BMPER: variants seen among roughly 807,000 people sequenced by gnomAD.
BMPER encodes the protein BMP binding endothelial regulator.
Under a neutral mutation model 87.3 loss-of-function variants are expected in BMPER, and 45 were observed. That is an observed-to-expected ratio of 0.52 (90% CI 0.41 to 0.66). BMPER has a LOEUF of 0.66. Among genes scored for constraint, BMPER ranks in the 30% least tolerant of loss-of-function variants. BMPER has a pLI of 0.00. For synonymous variants in BMPER, 326 were observed against 316.2 expected, an observed-to-expected ratio of 1.03 and a Z score of -0.33; for missense variants, 784 against 867.5, an observed-to-expected ratio of 0.90 and a Z score of 1.21.
intron 6 of BMPER, among the ~76,000 whole-genome samples, chr7:33,979,824 C>T (rs1373996710): frequency 6.6e-6 from 1 of 152,176 alleles, no homozygotes; most frequent in Non-Finnish European, 1.5e-5. Flanking sequence ...GAGGTCCAAC[C>T]CACTTAGTTA....
rs376953621 is a variant in BMPER at position 33,937,513 on chromosome 7, G to GGTGT, written c.319+146_319+149dup. 5.7e-3 allele frequency: 4,182 copies of GGTGT among 734,298 alleles called. 93 individuals are homozygous for GGTGT. In the African/African-American group the frequency reaches 0.061, roughly 11 times the overall value. The allele number at this position is 734,298 out of a possible 1,614,324, so 45.5% of individuals were successfully genotyped here. A position where few individuals can be genotyped will look rare whatever the true frequency, so the allele number is the denominator to read the frequency against. ...GCACATGGGTGGGGAGGAGAAGTAGGGTGTGTGTGTGTGTGTGTGTGTGTA... is the reference window on the plus strand; with the variant it reads ...GCACATGGGTGGGGAGGAGAAGTAGGGTGTGTGTGTGTGTGTGTGTGTGTGTGTA... On this transcript the variant is annotated intron_variant, in intron 3 of 14. Coordinates refer to ENST00000649409, the MANE Select transcript of BMPER (RefSeq NM_001365308.1).
intron 14 of BMPER, among the ~76,000 whole-genome samples, chr7:34,149,947 A>G (rs2127996545): frequency 6.6e-6 from 1 of 152,278 alleles, no homozygotes; most frequent in East Asian, 1.9e-4. Flanking sequence ...TTTAGGGAAT[A>G]TTTGTTGTTA....
intron 13 of BMPER, among the ~76,000 whole-genome samples, chr7:34,091,083 G>T (rs910012571): frequency 7.2e-5 from 11 of 152,156 alleles, no homozygotes; most frequent in Non-Finnish European, 1.3e-4. Flanking sequence ...ACTCTGACAG[G>T]ACCTTCGTGT....
chr7:33,998,462 A>G (rs1003009855), intron 6 of BMPER, among the ~76,000 whole-genome samples: 2 of 152,170 alleles, frequency 1.3e-5, no homozygotes, highest in African/African-American at 2.4e-5. Flanking sequence ...GCAGACTCTA[A>G]TTTGTGAGTT....
At chr7:34,069,444 A>G (rs1478601325) in intron 11 of BMPER, among the ~76,000 whole-genome samples, 2 of 152,236 alleles carry the variant, frequency 1.3e-5, no homozygotes, top group Admixed American at 6.5e-5. Context: ...ACATTAGTCC[A>G]TATCAGTCAG....
chr7:34,052,707 C>T (rs1002490705), intron 8 of BMPER, among the ~76,000 whole-genome samples: 24 of 152,160 alleles, frequency 1.6e-4, no homozygotes, highest in African/African-American at 2.2e-4. Flanking sequence ...AGTTAAAGGT[C>T]GGGAGAGGGA....
At chr7:33,965,921 A>G (rs1785395417) in intron 3 of BMPER, among the ~76,000 whole-genome samples, 1 of 152,266 alleles carries the variant, frequency 6.6e-6, no homozygotes, top group Non-Finnish European at 1.5e-5. Context: ...CCTAAAAGTA[A>G]TATAAAAAGT....
chr7:34,058,332 T>C (rs1399925730), intron 10 of BMPER, among the ~76,000 whole-genome samples, 169 bp downstream of exon 10: 1 of 152,254 alleles, frequency 6.6e-6, no homozygotes, highest in East Asian at 1.9e-4. Flanking sequence ...TTGCAGATTT[T>C]TTCCTTGCAT....
rs142175532 is a variant in BMPER at position 34,002,271 on chromosome 7, A to G, written c.576+27487A>G. 5.3e-5 allele frequency among the ~76,000 whole-genome samples: 8 copies of G among 151,890 alleles called. No homozygotes were observed. In the East Asian group the frequency reaches 1.4e-3, roughly 26 times the overall value. ...AAACTGTACTTCTAATACCCATACA[A>G]TCATTCTGTTTTTTACTTTCAGTAC... On this transcript the variant is annotated intron_variant, in intron 6 of 14. Transcript: ENST00000649409.
chr7:33,936,902 C>T (rs752226245), intron 2 of BMPER, among the ~76,000 whole-genome samples: 3 of 152,184 alleles, frequency 2.0e-5, no homozygotes, highest in African/African-American at 4.8e-5. Flanking sequence ...TTTGTTCTCA[C>T]GATGCAGTCC....
At chr7:34,021,121 G>A (rs1175118104) in intron 6 of BMPER, among the ~76,000 whole-genome samples, 4 of 152,074 alleles carry the variant, frequency 2.6e-5, no homozygotes, top group Admixed American at 6.6e-5. Flanking sequence ...ATGCAAATAC[G>A]AGAAGAGCAT....
At chr7:34,113,894 T>C (rs2127987041) in intron 13 of BMPER, among the ~76,000 whole-genome samples, 1 of 152,312 alleles carries the variant, frequency 6.6e-6, no homozygotes, top group Admixed American at 6.5e-5. Context: ...GAGTGATGTT[T>C]CTATCTCTTG....
chr7:33,954,783 G>A (rs906281347), intron 3 of BMPER, among the ~76,000 whole-genome samples: 1 of 152,180 alleles, frequency 6.6e-6, no homozygotes, highest in Non-Finnish European at 1.5e-5. Context: ...CTTATGGTGT[G>A]GAGGTTTCTC....
rs1562695122 is a variant in BMPER at position 34,024,379 on chromosome 7, AAAAC to A, written c.577-21924_577-21921del. On this transcript the variant is annotated intron_variant, in intron 6 of 14. Coordinates refer to ENST00000649409, the MANE Select transcript of BMPER (RefSeq NM_001365308.1). Reference sequence around the variant, plus strand: ...TCTCAAAAAAAAAAAAAAAAAAAAAAAAACAATATATATATATATATATATATAT... The same window carrying A: ...TCTCAAAAAAAAAAAAAAAAAAAAAAAATATATATATATATATATATATAT... Among the ~76,000 whole-genome samples, 8 of 76,658 alleles carry A rather than the reference AAAAC, an allele frequency of 1.0e-4. 1 individual carries two copies. Among genetic ancestry groups the A allele is most frequent in the African/African-American group, 5.4e-4 (8 of 14,844 alleles). The allele number at this position is 76,658 out of a possible 152,430, so 50.3% of individuals were successfully genotyped here.
intron 13 of BMPER, among the ~76,000 whole-genome samples, chr7:34,093,119 A>G (rs1388752523): frequency 6.6e-6 from 1 of 152,182 alleles, no homozygotes; most frequent in Non-Finnish European, 1.5e-5. Context: ...CATGGGTGTG[A>G]TTTATATTAT....
chr7:33,968,127 T>C (rs1351362409), intron 4 of BMPER, among the ~76,000 whole-genome samples: 2 of 152,198 alleles, frequency 1.3e-5, no homozygotes, highest in Non-Finnish European at 2.9e-5. Context: ...TCCAGCAGCC[T>C]TGGGAGTCAG....
chr7:34,152,404 G>A (rs1791200533), intron 14 of BMPER, among the ~76,000 whole-genome samples: 1 of 152,106 alleles, frequency 6.6e-6, no homozygotes, highest in Non-Finnish European at 1.5e-5. Context: ...GTCTAGTCAT[G>A]AATTTTCAGG....
At chr7:33,988,739 A>C (rs1270364434) in intron 6 of BMPER, among the ~76,000 whole-genome samples, 2 of 149,682 alleles carry the variant, frequency 1.3e-5, no homozygotes, top group Non-Finnish European at 1.5e-5. Context: ...AGCATTACGT[A>C]TATCTCCCGA....
At chr7:34,138,839 A>G (rs899305625) in intron 13 of BMPER, among the ~76,000 whole-genome samples, 3 of 152,184 alleles carry the variant, frequency 2.0e-5, no homozygotes, top group African/African-American at 7.2e-5. Flanking sequence ...ATCAAACAGA[A>G]CATAAATGTG....
Sources: gnomAD v4.1 joint callset for allele counts (sites outside exome capture counted in the v4.1 genomes callset) on GRCh38, gnomAD v4.1.1 for gene constraint, MANE v1.5 for transcripts, NCBI Gene and HGNC (gene_info 2026-07-23, HGNC 2026-07-21) for gene names.